Variants in MYO18B observed in about 807,000 individuals in gnomAD.
MYO18B encodes the protein unconventional myosin-XVIIIb.
In MYO18B, 204 loss-of-function variants were observed where a neutral mutation model predicts 273.0. The observed-to-expected ratio is 0.75, with a 90% CI of 0.67 to 0.84. The LOEUF (loss-of-function observed/expected upper bound fraction) is 0.84, where lower values mean the gene tolerates loss of function less well. MYO18B is among the 40% of genes least tolerant of loss of function. The pLI, the probability that MYO18B is intolerant of heterozygous loss-of-function variation, is 0.00. For synonymous variants in MYO18B, 1,330 were observed against 1,305.7 expected, an observed-to-expected ratio of 1.02 and a Z score of -0.40; for missense variants, 3,212 against 3,287.6, an observed-to-expected ratio of 0.98 and a Z score of 0.56.
At chr22:25,831,713 C>G (rs984018496) in intron 15 of MYO18B, among the ~76,000 whole-genome samples, 23 of 152,174 alleles carry the variant, frequency 1.5e-4, no homozygotes, top group Admixed American at 1.4e-3. Flanking sequence ...AACTATTATT[C>G]CCCATAGTTT....
intron 20 of MYO18B, 59 bp from the exon 21 acceptor site, chr22:25,851,411 G>T (rs2090423182): frequency 8.4e-7 from 1 of 1,192,402 alleles, no homozygotes; most frequent in Non-Finnish European, 1.2e-6. Context: ...TTAGGGAACT[G>T]GGCTGGGTCT....
At chr22:25,859,480 A>G (rs1210782912) in intron 21 of MYO18B, among the ~76,000 whole-genome samples, 2 of 152,148 alleles carry the variant, frequency 1.3e-5, no homozygotes, top group African/African-American at 4.8e-5. Flanking sequence ...TGGCTCTACC[A>G]TTGTTCATCC....
chr22:26,039,605 TTTTTTGTTTTTG>T, the MYO18B span, among the ~76,000 whole-genome samples: 1 of 149,716 alleles, frequency 6.7e-6, no homozygotes, highest in African/African-American at 2.5e-5. Flanking sequence ...GTTTTTAGGT[TTTTTTGTTTTTG>T]TTTTTGTTTT....
intron 21 of MYO18B, among the ~76,000 whole-genome samples, chr22:25,853,685 G>T (rs1220638689): frequency 6.6e-6 from 1 of 152,134 alleles, no homozygotes; most frequent in Non-Finnish European, 1.5e-5. Flanking sequence ...GAGGCAAAGG[G>T]TGTAGCATAT....
At chr22:25,912,454 T>C (rs1355405120) in intron 33 of MYO18B, among the ~76,000 whole-genome samples, 1 of 152,148 alleles carries the variant, frequency 6.6e-6, no homozygotes, top group East Asian at 1.9e-4. Context: ...TTTATACAAA[T>C]TGCAAAAATA....
rs1437838817 is a variant in MYO18B at position 25,874,195 on chromosome 22, CA to C, written c.3952-89del. The C allele has an allele frequency of 4.0e-6, 6 of 1,494,568 alleles. No homozygotes were observed. The African/African-American group carries it at 4.2e-5, about 10-fold the overall frequency. 92.6% of individuals were successfully genotyped at this position (1,494,568 alleles called of 1,614,324 possible). A position where few individuals can be genotyped will look rare whatever the true frequency, so the allele number is the denominator to read the frequency against. ...TGCCAACAAATATTGCAGGTGGGTG[CA>C]AGAGAAGTGGGGTCTGATTTGCAAG... On this transcript the variant is annotated intron_variant, in intron 22 of 43. Coordinates refer to ENST00000335473, the MANE Select transcript of MYO18B (RefSeq NM_032608.7).
At chr22:25,921,590 A>AG (rs2092342869) in intron 34 of MYO18B, among the ~76,000 whole-genome samples, 181 bp downstream of exon 34, 1 of 152,018 alleles carries the variant, frequency 6.6e-6, no homozygotes, top group Non-Finnish European at 1.5e-5. Flanking sequence ...GGTGAGGAGG[A>AG]GGGGTCTAAG....
At chr22:25,879,269 C>T (rs1304022692) in intron 25 of MYO18B, among the ~76,000 whole-genome samples, 1 of 152,226 alleles carries the variant, frequency 6.6e-6, no homozygotes, top group Non-Finnish European at 1.5e-5. Flanking sequence ...AACATTTACT[C>T]TCTGGATCTT....
Position 25,946,234 on chromosome 22 carries a change from C to T in MYO18B, c.5615C>T (p.Thr1872Met), listed in dbSNP as rs866020163. Residue 1872 changes from threonine (T) to methionine (M), a missense_variant, in exon 35 of 44, where the codon ACG becomes ATG. Physicochemically the swap from Thr to Met is moderately conservative, Grantham distance 81. Coordinates refer to ENST00000335473, the MANE Select transcript of MYO18B (RefSeq NM_032608.7). ...ESMHSELENM[T>M]RNKSLVDEQL... ...ATGCACAGCGAGCTGGAGAACATGA[C>T]GCGGAACAAGAGCCTGGTACCTGTC... The T allele has an allele frequency of 1.3e-5, 21 of 1,576,098 alleles. No individual in the cohort carries two copies. The highest frequency in any genetic ancestry group is 1.1e-4 in the South Asian group (9 of 85,228).
At chr22:25,937,585 CT>C (rs68167882) in intron 34 of MYO18B, among the ~76,000 whole-genome samples, 275 of 140,600 alleles carry the variant, frequency 2.0e-3, no homozygotes, top group Admixed American at 2.3e-3. Flanking sequence ...GCCTGACATT[CT>C]TTTTTTTTTT....
At chr22:25,815,405 C>T (rs2088958327) in intron 12 of MYO18B, among the ~76,000 whole-genome samples, 1 of 152,330 alleles carries the variant, frequency 6.6e-6, no homozygotes, top group African/African-American at 2.4e-5. Flanking sequence ...CCTGACAACT[C>T]TGCTCCTCAG....
At chr22:25,887,915 G>A (rs139797739) in intron 25 of MYO18B, among the ~76,000 whole-genome samples, 1 of 152,312 alleles carries the variant, frequency 6.6e-6, no homozygotes, top group East Asian at 1.9e-4. Flanking sequence ...CACACTAATT[G>A]GCTAAGGTGG....
At chr22:25,761,201 G>A (rs1381387538) in intron 2 of MYO18B, 70 bp downstream of exon 2, 23 of 1,556,316 alleles carry the variant, frequency 1.5e-5, no homozygotes, top group Middle Eastern at 1.7e-4. Context: ...AGACAAGTCC[G>A]ACCTTTCCCA....
chr22:25,927,021 G>A (rs901662965), intron 34 of MYO18B, among the ~76,000 whole-genome samples: 1 of 152,136 alleles, frequency 6.6e-6, no homozygotes, highest in African/African-American at 2.4e-5. Flanking sequence ...GATTTCCTAT[G>A]CCTGTCTTTA....
intron 37 of MYO18B, among the ~76,000 whole-genome samples, chr22:25,951,338 G>T (rs757056730): frequency 6.6e-6 from 1 of 152,160 alleles, no homozygotes; most frequent in East Asian, 1.9e-4. Flanking sequence ...TTATTCATCA[G>T]TTCATTCAAA....
intron 11 of MYO18B, among the ~76,000 whole-genome samples, chr22:25,797,682 A>G (rs1054416260): frequency 2.6e-5 from 4 of 152,202 alleles, no homozygotes; most frequent in African/African-American, 7.2e-5. Context: ...AGAGCCCCGC[A>G]TAGAGCAGAG....
At chr22:25,902,463 T>C in intron 29 of MYO18B, 150 bp from the exon 30 acceptor site, 1 of 894,634 alleles carries the variant, frequency 1.1e-6, no homozygotes, top group Admixed American at 3.2e-5. Flanking sequence ...CAACTTCTCA[T>C]ACTTTCTCTA....
intron 21 of MYO18B, among the ~76,000 whole-genome samples, chr22:25,856,817 G>A (rs1359026682): frequency 6.6e-6 from 1 of 152,160 alleles, no homozygotes; most frequent in Non-Finnish European, 1.5e-5. Flanking sequence ...AGAGAGTCTG[G>A]GCTTTATCAG....
chr22:25,800,263 A>G (rs944213630), intron 12 of MYO18B, among the ~76,000 whole-genome samples: 4 of 152,184 alleles, frequency 2.6e-5, no homozygotes, highest in Middle Eastern at 6.3e-3. Context: ...TGGGTATACT[A>G]AAATCTGATC....
Sources: gnomAD v4.1 joint callset for allele counts (sites outside exome capture counted in the v4.1 genomes callset) on GRCh38, gnomAD v4.1.1 for gene constraint, MANE v1.5 for transcripts, NCBI Gene and HGNC (gene_info 2026-07-23, HGNC 2026-07-21) for gene names.